The following TMEM53 variants were observed in gnomAD, a reference collection of about 807,000 sequenced individuals.
TMEM53 encodes the protein novel DUF829 domain-containing protein.
In TMEM53, 14 loss-of-function variants were observed where a neutral mutation model predicts 21.4. The observed-to-expected ratio is 0.65, with a 90% CI of 0.43 to 1.02. TMEM53 has a LOEUF of 1.02. Ranked by LOEUF, TMEM53 falls within the 50% of genes least tolerant of loss-of-function variation. The pLI is 0.00. For synonymous variants in TMEM53, 148 were observed against 157.4 expected (o/e 0.94, Z 0.45); for missense variants, 323 against 383.6 (o/e 0.84, Z 1.32).
At chr1:44,660,972 C>CAA (rs35717917) in intron 1 of TMEM53, among the ~76,000 whole-genome samples, 2 of 88,288 alleles carry the variant, frequency 2.3e-5, no homozygotes, top group African/African-American at 4.6e-5. Context: ...GACTCTGTCT[C>CAA]AAAAAAAAAA....
At position 44,654,646 on chromosome 1, in the gene TMEM53, T is replaced by C. The variant is rs367949601; in HGVS notation, c.747A>G (p.Ser249=). Residue 249 remains serine (S), a synonymous_variant, in exon 3 of 3, where the codon TCA becomes TCG. Coordinates refer to ENST00000372237, the MANE Select transcript of TMEM53 (RefSeq NM_024587.4). The surrounding 1 kb of genome is among the most constrained non-coding windows in gnomAD (Gnocchi z 7.0). ...CACGGAGGTGGCTGACGTGTGCAGA[T>C]GACACGAAATCCACAGAACGCGCCA... ...RVLARSVDFV[S]SAHVSHLRDY... 1 of 1,613,942 alleles carries C rather than the reference T, an allele frequency of 6.2e-7. No homozygotes were observed. The highest frequency in any genetic ancestry group is 1.3e-5 in the African/African-American group (1 of 74,920).
rs1032101306 is a variant in TMEM53, at chr1:44,674,444, C to A, written c.-53G>T. 2 of 1,573,116 alleles carry A rather than the reference C, an allele frequency of 1.3e-6. No individual in the cohort carries two copies. Among genetic ancestry groups the A allele is most frequent in the African/African-American group, 1.4e-5 (1 of 73,470 alleles). On this transcript the variant is annotated 5_prime_UTR_variant, in exon 1 of 3. Transcript: ENST00000372237. ...TCTCCAGCCGGAACTCCCGCTTGCG[C>A]ACCCGTGCCTCACCCGGGCGCCTCC...
At chr1:44,662,836 C>T (rs1394803255) in intron 1 of TMEM53, among the ~76,000 whole-genome samples, 1 of 152,164 alleles carries the variant, frequency 6.6e-6, no homozygotes, top group African/African-American at 2.4e-5. Flanking sequence ...TGGTGCACTC[C>T]CAATTGCCAG....
intron 1 of TMEM53, among the ~76,000 whole-genome samples, chr1:44,673,092 C>T (rs1645025399): frequency 6.6e-6 from 1 of 152,256 alleles, no homozygotes; most frequent in South Asian, 2.1e-4. Context: ...ATAATATTAA[C>T]TGACTTCATG....
At chr1:44,658,610 G>A (rs983236837) in intron 2 of TMEM53, among the ~76,000 whole-genome samples, 1 of 152,128 alleles carries the variant, frequency 6.6e-6, no homozygotes, top group Non-Finnish European at 1.5e-5. Flanking sequence ...GAGTGCAGTG[G>A]TGCGACTTCG....
intron 1 of TMEM53, among the ~76,000 whole-genome samples, chr1:44,661,424 A>T (rs1343792661): frequency 2.0e-5 from 3 of 151,276 alleles, no homozygotes; most frequent in Non-Finnish European, 3.0e-5. Flanking sequence ...TTTTAAGAGT[A>T]AAAAAGGGGG....
In TMEM53 at chr1:44,661,010, C is replaced by T. The variant is rs556457966; in HGVS notation, c.62-715G>A. Among the ~76,000 whole-genome samples, 14 of 151,762 alleles carry T rather than the reference C, an allele frequency of 9.2e-5. No homozygotes were observed. The East Asian group carries it at 9.7e-4, about 10-fold the overall frequency. On this transcript the variant is annotated intron_variant, in intron 1 of 2. Coordinates refer to ENST00000372237, the MANE Select transcript of TMEM53 (RefSeq NM_024587.4). ...AAAATCAAAAGAATATTTTGTGACA[C>T]GTGAAAATTATATGGAATTTAAATT... is the stretch of plus-strand genomic sequence containing the variant.
rs1262938386 is a variant in TMEM53 at position 44,655,881 on chromosome 1, C to T, written c.184-672G>A. On this transcript the variant is annotated intron_variant, in intron 2 of 2. Coordinates refer to ENST00000372237, the MANE Select transcript of TMEM53 (RefSeq NM_024587.4). This position sits in a 1 kb window ranked among gnomAD's most constrained non-coding sequence, Gnocchi z 4.4. Reference sequence around the variant, plus strand: ...CTGGTTCCCCGGCCTGGGATCACTCCTCATATCTGCCCTGAAATTCCAAAT... The same window carrying T: ...CTGGTTCCCCGGCCTGGGATCACTCTTCATATCTGCCCTGAAATTCCAAAT... Among the ~76,000 whole-genome samples the T allele has an allele frequency of 2.6e-5, 4 of 152,198 alleles. No homozygotes were observed. In the East Asian group the frequency reaches 7.7e-4, roughly 29 times the overall value.
intron 2 of TMEM53, 37 bp downstream of exon 2, chr1:44,660,137 C>T (rs774471608): frequency 1.6e-5 from 25 of 1,600,460 alleles, no homozygotes; most frequent in Middle Eastern, 1.7e-4. Flanking sequence ...GGTCAGCCCT[C>T]ACGGCAGCCC....
At chr1:44,670,280 G>A (rs947357107) in intron 1 of TMEM53, among the ~76,000 whole-genome samples, 2 of 151,642 alleles carry the variant, frequency 1.3e-5, no homozygotes, top group South Asian at 4.1e-4. Flanking sequence ...CAGATCTTCA[G>A]GTTTTCATCT....
chr1:44,654,834 G>A lies in TMEM53; in HGVS notation c.559C>T (p.Leu187=), dbSNP rs563016815. 1.2e-6 allele frequency: 2 copies of A among 1,613,342 alleles called. No individual in the cohort carries two copies. Among genetic ancestry groups the A allele is most frequent in the Non-Finnish European group, 1.7e-6 (2 of 1,180,026 alleles). The change falls in exon 3 of 3, where the codon CTG becomes TTG. Residue 187 remains leucine, a synonymous_variant. Transcript: ENST00000372237. This position sits in a 1 kb window ranked among gnomAD's most constrained non-coding sequence, Gnocchi z 7.0. ...FALVVVLFHV[L]LAPITALFHT... is the part of the protein sequence containing the mutation. Reference sequence around the variant, plus strand: ...AAGAGGGCTGTGATGGGAGCAAGCAGGACGTGGAACAGGACGACCACCAGG... The same window carrying A: ...AAGAGGGCTGTGATGGGAGCAAGCAAGACGTGGAACAGGACGACCACCAGG...
At position 44,674,428 on chromosome 1, in the gene TMEM53, G is replaced by T. The variant is rs375230170; in HGVS notation, c.-37C>A. 7 of 1,589,410 alleles carry T rather than the reference G, an allele frequency of 4.4e-6. No individual in the cohort carries two copies. The South Asian group carries it at 4.5e-5, about 10-fold the overall frequency. On this transcript the variant is annotated 5_prime_UTR_variant, in exon 1 of 3. Coordinates refer to ENST00000372237, the MANE Select transcript of TMEM53 (RefSeq NM_024587.4). Reference sequence around the variant, plus strand: ...CGGCCCAGAGCACGGGTCTCCAGCCGGAACTCCCGCTTGCGCACCCGTGCC... The same window carrying T: ...CGGCCCAGAGCACGGGTCTCCAGCCTGAACTCCCGCTTGCGCACCCGTGCC...
At chr1:44,662,456 C>T (rs907676507) in intron 1 of TMEM53, among the ~76,000 whole-genome samples, 1 of 152,210 alleles carries the variant, frequency 6.6e-6, no homozygotes, top group African/African-American at 2.4e-5. Flanking sequence ...CCTGCACTGG[C>T]CTTTCTGGTG....
At chr1:44,669,745 G>T (rs1013885321) in intron 1 of TMEM53, among the ~76,000 whole-genome samples, 1 of 151,972 alleles carries the variant, frequency 6.6e-6, no homozygotes, top group Non-Finnish European at 1.5e-5. Flanking sequence ...CAAATCCAGG[G>T]TCTAGTACAG....
At chr1:44,671,789 C>A (rs759814800) in intron 1 of TMEM53, among the ~76,000 whole-genome samples, 3 of 152,166 alleles carry the variant, frequency 2.0e-5, no homozygotes, top group Non-Finnish European at 4.4e-5. Context: ...ATTAGCCAGG[C>A]ATGGTGGCGG....
rs569707361 is a variant in TMEM53, at chr1:44,670,274, T to C, written c.61+4057A>G. Among the ~76,000 whole-genome samples the C allele has an allele frequency of 7.1e-4, 107 of 151,304 alleles. 2 individuals are homozygous for C. The highest frequency in any genetic ancestry group is 2.6e-3 in the African/African-American group (106 of 41,120). On this transcript the variant is annotated intron_variant, in intron 1 of 2. Transcript: ENST00000372237. Reference sequence around the variant, plus strand: ...TTTGAGGTCTGTCCATCATGACAGATCTTCAGGTTTTCATCTAATTCTCCA... The same window carrying C: ...TTTGAGGTCTGTCCATCATGACAGACCTTCAGGTTTTCATCTAATTCTCCA...
At chr1:44,662,026 T>A (rs1209404929) in intron 1 of TMEM53, among the ~76,000 whole-genome samples, 1 of 152,266 alleles carries the variant, frequency 6.6e-6, no homozygotes, top group African/African-American at 2.4e-5. Context: ...TATGCTCAGC[T>A]GCCACCCTGA....
At chr1:44,659,643 C>T (rs544093025) in intron 2 of TMEM53, among the ~76,000 whole-genome samples, 6 of 152,178 alleles carry the variant, frequency 3.9e-5, no homozygotes, top group Non-Finnish European at 5.9e-5. Context: ...TCCTGCTGCC[C>T]GCAGAGGCAC....
At chr1:44,658,223 C>T (rs1644866890) in intron 2 of TMEM53, among the ~76,000 whole-genome samples, 1 of 152,082 alleles carries the variant, frequency 6.6e-6, no homozygotes, top group Admixed American at 6.5e-5. Flanking sequence ...CCTCTACACA[C>T]TCCCTGGGGG....
Sources: allele counts gnomAD v4.1 joint callset (sites outside exome capture counted in the v4.1 genomes callset), GRCh38; gene constraint gnomAD v4.1.1; non-coding constraint Gnocchi (gnomAD v3.1); transcripts MANE v1.5; gene names NCBI Gene and HGNC (gene_info 2026-07-23, HGNC 2026-07-21).